The following LINC00632 variants were observed in gnomAD, a reference collection of about 807,000 sequenced individuals.
LINC00632 encodes the protein long independently transcribed non-coding RNA 632, also known as ALDOA related specific transcript.
At chrX:140,724,037 C>CACAG in intron 2 of LINC00632, among the ~76,000 whole-genome samples, 1 of 66,361 alleles carries the variant, frequency 1.5e-5, no homozygotes, top group South Asian at 7.9e-4. Context: ...ATTCCATACA[C>CACAG]ACACACATTC....
intron 2 of LINC00632, among the ~76,000 whole-genome samples, chrX:140,728,828 C>T (rs1248387883): frequency 9.0e-6 from 1 of 111,475 alleles, no homozygotes; most frequent in Non-Finnish European, 1.9e-5. Context: ...AGTGCACTAA[C>T]GTGCTCCACA....
intron 2 of LINC00632, among the ~76,000 whole-genome samples, chrX:140,730,212 C>T (rs1931036739): frequency 9.0e-6 from 1 of 110,840 alleles, no homozygotes; most frequent in Non-Finnish European, 1.9e-5. Context: ...AACAGCCTCG[C>T]AGTGAAGACA....
intron 2 of LINC00632, among the ~76,000 whole-genome samples, chrX:140,720,992 G>A (rs1489445789): frequency 9.0e-6 from 1 of 110,700 alleles, no homozygotes; most frequent in Non-Finnish European, 1.9e-5. Flanking sequence ...ATCACATCCA[G>A]ATCTACCCCC....
chrX:140,758,780 A>G (rs186543069), intron 3 of LINC00632, among the ~76,000 whole-genome samples: 1 of 111,236 alleles, frequency 9.0e-6, no homozygotes, highest in African/African-American at 3.3e-5. Flanking sequence ...GCAAAGAACA[A>G]TGAATTACCT....
chrX:140,765,555 T>C (rs1163976214), intron 3 of LINC00632, among the ~76,000 whole-genome samples: 1 of 112,144 alleles, frequency 8.9e-6, no homozygotes, highest in Non-Finnish European at 1.9e-5. Flanking sequence ...GCCTCTATGC[T>C]TAGAGATTCC....
exon 5 of LINC00632, among the ~76,000 whole-genome samples, chrX:140,787,200 A>C (rs5954096): frequency 0.027 from 3,015 of 111,362 alleles, 91 homozygotes; most frequent in African/African-American, 0.092. Flanking sequence ...ATTCTCAAAT[A>C]ATTTCAGTAT....
At chrX:140,771,209 C>T (rs896406474) in intron 3 of LINC00632, among the ~76,000 whole-genome samples, 1 of 110,271 alleles carries the variant, frequency 9.1e-6, no homozygotes, top group South Asian at 3.7e-4. Context: ...GGGGGAAAGA[C>T]TTTTCAAAGC....
chrX:140,750,430 T>C (rs1931394056), intron 3 of LINC00632, among the ~76,000 whole-genome samples: 1 of 110,554 alleles, frequency 9.0e-6, no homozygotes, highest in Admixed American at 9.7e-5. Flanking sequence ...AAAATAACTA[T>C]GTGAGGTAAT....
At chrX:140,790,411 G>GAT (rs923788896) in exon 5 of LINC00632, among the ~76,000 whole-genome samples, 1 of 110,753 alleles carries the variant, frequency 9.0e-6, no homozygotes, top group African/African-American at 3.3e-5. Flanking sequence ...CTGTTCAACT[G>GAT]ATAATATTTC....
intron 3 of LINC00632, among the ~76,000 whole-genome samples, chrX:140,738,742 GAATTA>G (rs1409578886): frequency 1.8e-5 from 2 of 111,867 alleles, no homozygotes; most frequent in Admixed American, 9.5e-5. Context: ...TGATGATATA[GAATTA>G]AATAGTACAT....
chrX:140,749,776 C>T (rs1486386932), intron 3 of LINC00632, among the ~76,000 whole-genome samples: 1 of 110,982 alleles, frequency 9.0e-6, no homozygotes, highest in African/African-American at 3.3e-5. Context: ...ACCTCCTGGA[C>T]TCAAGTGATT....
At chrX:140,748,865 T>A (rs1039235501) in intron 3 of LINC00632, among the ~76,000 whole-genome samples, 19 of 63,248 alleles carry the variant, frequency 3.0e-4, no homozygotes, top group Non-Finnish European at 2.1e-4. Flanking sequence ...ATGATATATA[T>A]AAAATGTATA....
chrX:140,790,804 A>G (rs1469668788), exon 5 of LINC00632, among the ~76,000 whole-genome samples: 1 of 111,923 alleles, frequency 8.9e-6, no homozygotes, highest in Non-Finnish European at 1.9e-5. Flanking sequence ...AAAATTCATT[A>G]TCATTAGTGC....
exon 5 of LINC00632, among the ~76,000 whole-genome samples, chrX:140,776,284 G>C (rs1931869426): frequency 1.8e-5 from 2 of 112,458 alleles, no homozygotes; most frequent in African/African-American, 6.4e-5. Context: ...CGGCCAGAAA[G>C]GCAGCCACCC....
exon 5 of LINC00632, among the ~76,000 whole-genome samples, chrX:140,785,022 C>T (rs1931996704): frequency 9.0e-6 from 1 of 110,840 alleles, no homozygotes; most frequent in African/African-American, 3.3e-5. Context: ...GGTTTTTATA[C>T]AGTTTACTAT....
At chrX:140,729,339 G>A (rs1319704161) in intron 2 of LINC00632, among the ~76,000 whole-genome samples, 1 of 109,466 alleles carries the variant, frequency 9.1e-6, no homozygotes, top group Non-Finnish European at 1.9e-5. Flanking sequence ...CATACTAGGT[G>A]CAGACAGAGC....
At chrX:140,784,463 C>T (rs1931987713) in exon 5 of LINC00632, 2 of 1,009,897 alleles carry the variant, frequency 2.0e-6, no homozygotes, top group Non-Finnish European at 2.7e-6. Flanking sequence ...CCAGGTCTTC[C>T]AGCATCTCCA....
chrX:140,724,898 A>G (rs781699579), intron 2 of LINC00632, among the ~76,000 whole-genome samples: 3,476 of 108,166 alleles, frequency 0.032, 102 homozygotes, highest in African/African-American at 0.11. Context: ...CCATACACAC[A>G]CACACACATT....
intron 3 of LINC00632, among the ~76,000 whole-genome samples, chrX:140,764,871 T>A (rs1475056725): frequency 9.0e-6 from 1 of 110,556 alleles, no homozygotes; most frequent in African/African-American, 3.3e-5. Context: ...CCCGGCTTCC[T>A]CCTCCGGGCT....
Sources: gnomAD v4.1 joint callset for allele counts (sites outside exome capture counted in the v4.1 genomes callset) on GRCh38, gnomAD v4.1.1 for gene constraint, MANE v1.5 for transcripts, NCBI Gene and HGNC (gene_info 2026-07-23, HGNC 2026-07-21) for gene names.